Variants in CHEK2 observed in about 807,000 individuals in gnomAD.
CHEK2 encodes serine/threonine-protein kinase Chk2.
Under a neutral mutation model 69.1 loss-of-function variants are expected in CHEK2, and 71 were observed. That is an observed-to-expected ratio of 1.03 (90% CI 0.85 to 1.25). The LOEUF (loss-of-function observed/expected upper bound fraction) is 1.25, where lower values mean the gene tolerates loss of function less well. CHEK2 is among the 50% of genes most tolerant of loss of function. CHEK2 has a pLI of 0.00. For synonymous variants in CHEK2, 189 were observed against 226.9 expected, an observed-to-expected ratio of 0.83 and a Z score of 1.50; for missense variants, 664 against 649.6, an observed-to-expected ratio of 1.02 and a Z score of -0.24.
chr22:28,718,921 C>G (rs569380589), intron 5 of CHEK2, among the ~76,000 whole-genome samples: 23 of 131,844 alleles, frequency 1.7e-4, no homozygotes, highest in African/African-American at 6.5e-4. Context: ...CACACACACA[C>G]AGGAAATAAA....
chr22:28,707,830 C>CTTTTTTTTTTT (rs11453597), intron 7 of CHEK2, among the ~76,000 whole-genome samples: 3 of 102,464 alleles, frequency 2.9e-5, no homozygotes, highest in Non-Finnish European at 3.7e-5. Context: ...TTGTGTTTAT[C>CTTTTTTTTTTT]TTTTTTTTTT....
Position 28,699,131 on chromosome 22 carries a change from A to G in CHEK2, c.1008+707T>C, listed in dbSNP as rs17884232. On this transcript the variant is annotated intron_variant, in intron 9 of 14. Transcript: ENST00000404276. Reference sequence around the variant, plus strand: ...GCCGTCCTCCCAACTCAGCCTCCAGAGTGGCTAAGACCACAGGTGCCCGCC... The same window carrying G: ...GCCGTCCTCCCAACTCAGCCTCCAGGGTGGCTAAGACCACAGGTGCCCGCC... Among the ~76,000 whole-genome samples, 896 of 152,008 alleles carry G rather than the reference A, an allele frequency of 5.9e-3. 4 individuals are homozygous for G. The highest frequency in any genetic ancestry group is 0.01 in the Middle Eastern group (3 of 292).
Position 28,711,894 on chromosome 22 carries a change from T to C in CHEK2, c.792+15A>G, listed in dbSNP as rs1314273271. 1 of 1,547,708 alleles carries C rather than the reference T, an allele frequency of 6.5e-7. No individual in the cohort carries two copies. The highest frequency in any genetic ancestry group is 8.9e-7 in the Non-Finnish European group (1 of 1,120,276). On this transcript the variant is annotated intron_variant, in intron 6 of 14. Transcript: ENST00000404276. ...CGTGTTAATAAAAGGTGATCAGCCT[T>C]TTATTGGTACTTACTGCCTCTCTTG...
At chr22:28,721,692 T>G (rs1443880575) in intron 4 of CHEK2, 1 of 438,136 alleles carries the variant, frequency 2.3e-6, no homozygotes, top group Non-Finnish European at 4.6e-6. Context: ...TTAGTCATTC[T>G]ACAATGTATA....
chr22:28,711,279 G>A (rs1001332801), intron 6 of CHEK2, among the ~76,000 whole-genome samples: 3 of 152,058 alleles, frequency 2.0e-5, no homozygotes, highest in African/African-American at 7.2e-5. Flanking sequence ...AAAATCTATG[G>A]CTAATCCATA....
intron 1 of CHEK2, among the ~76,000 whole-genome samples, chr22:28,739,491 A>C (rs963238746): frequency 2.6e-4 from 39 of 151,628 alleles, no homozygotes; most frequent in Non-Finnish European, 5.4e-4. Context: ...GGAGTTTGAG[A>C]CCAGCCTGGC....
intron 11 of CHEK2, 70 bp downstream of exon 11, chr22:28,695,640 A>T: frequency 7.4e-7 from 1 of 1,349,330 alleles, no homozygotes; most frequent in Non-Finnish European, 1.1e-6. Flanking sequence ...TGGACAACAG[A>T]GCAAGACACA....
At chr22:28,689,561 G>C (rs1009984484) in intron 13 of CHEK2, among the ~76,000 whole-genome samples, 1 of 152,048 alleles carries the variant, frequency 6.6e-6, no homozygotes, top group South Asian at 2.1e-4. Flanking sequence ...GCCTGACTCC[G>C]TGCAGCTCCT....
intron 6 of CHEK2, among the ~76,000 whole-genome samples, chr22:28,711,643 T>C (rs949417614): frequency 6.6e-6 from 1 of 152,070 alleles, no homozygotes; most frequent in African/African-American, 2.4e-5. Context: ...TGTAACGACT[T>C]TGAACTTGGA....
chr22:28,717,938 G>T (rs983539902), intron 5 of CHEK2, among the ~76,000 whole-genome samples: 6 of 151,938 alleles, frequency 3.9e-5, no homozygotes, highest in Non-Finnish European at 8.8e-5. Flanking sequence ...AAAATTAGCC[G>T]GCTGTGATGG....
At chr22:28,725,841 C>G (rs184544118) in intron 2 of CHEK2, among the ~76,000 whole-genome samples, 1 of 149,928 alleles carries the variant, frequency 6.7e-6, no homozygotes, top group African/African-American at 2.5e-5. Flanking sequence ...CCCAGGAGGT[C>G]GAGGCTGCAG....
At chr22:28,699,683 G>A (rs1328002701) in intron 9 of CHEK2, 155 bp downstream of exon 9, 1 of 680,616 alleles carries the variant, frequency 1.5e-6, no homozygotes, top group Non-Finnish European at 2.6e-6. Context: ...TTTCATCTCA[G>A]TGAAAGGAGT....
intron 4 of CHEK2, chr22:28,721,719 T>A (rs1479577634): frequency 2.5e-6 from 1 of 397,524 alleles, no homozygotes; most frequent in East Asian, 7.3e-5. Flanking sequence ...TGAAAACATG[T>A]TGTACATGAT....
At chr22:28,706,735 A>G in intron 7 of CHEK2, among the ~76,000 whole-genome samples, 1 of 152,158 alleles carries the variant, frequency 6.6e-6, no homozygotes, top group East Asian at 1.9e-4. Context: ...CCTGGCCAAC[A>G]TGGCAAAACC....
chr22:28,727,400 A>G (rs2054051839), intron 2 of CHEK2, among the ~76,000 whole-genome samples: 1 of 151,988 alleles, frequency 6.6e-6, no homozygotes, highest in African/African-American at 2.4e-5. Flanking sequence ...ATCCTGTTTT[A>G]TATCTTTTTG....
At chr22:28,731,369 C>T (rs577516801) in intron 2 of CHEK2, among the ~76,000 whole-genome samples, 6 of 152,246 alleles carry the variant, frequency 3.9e-5, no homozygotes, top group East Asian at 3.9e-4. Flanking sequence ...GAGGCCAAGG[C>T]GGGCAGATCA....
At chr22:28,725,474 A>T in intron 2 of CHEK2, 107 bp from the exon 3 acceptor site, 1 of 1,279,264 alleles carries the variant, frequency 7.8e-7, no homozygotes, top group Non-Finnish European at 1.1e-6. Flanking sequence ...GAAGGCAATC[A>T]GAATTATCAA....
At chr22:28,705,090 T>A (rs1401992842) in intron 7 of CHEK2, among the ~76,000 whole-genome samples, 2 of 151,596 alleles carry the variant, frequency 1.3e-5, no homozygotes, top group Non-Finnish European at 2.9e-5. Flanking sequence ...TTTTTTTTTT[T>A]TTTTTTGAGA....
chr22:28,715,011 G>A (rs1221782833), intron 5 of CHEK2, among the ~76,000 whole-genome samples: 1 of 152,158 alleles, frequency 6.6e-6, no homozygotes, highest in Non-Finnish European at 1.5e-5. Context: ...AAACTGAGCT[G>A]GAGCAGTGAG....
Sources: gnomAD v4.1 joint callset for allele counts (sites outside exome capture counted in the v4.1 genomes callset) on GRCh38, gnomAD v4.1.1 for gene constraint, MANE v1.5 for transcripts, NCBI Gene and HGNC (gene_info 2026-07-23, HGNC 2026-07-21) for gene names.